DPF3: variants seen among roughly 807,000 people sequenced by gnomAD.
The protein encoded by DPF3 is zinc finger protein DPF3.
Under a neutral mutation model 56.8 loss-of-function variants are expected in DPF3, and 18 were observed. The observed-to-expected ratio is 0.32, with a 90% CI of 0.22 to 0.47. The LOEUF (loss-of-function observed/expected upper bound fraction) is 0.47, where lower values mean the gene tolerates loss of function less well. Ranked by LOEUF, DPF3 falls within the 20% of genes least tolerant of loss-of-function variation. The pLI, the probability that DPF3 is intolerant of heterozygous loss-of-function variation, is 1.00. For missense variants in DPF3, 403 were observed against 488.8 expected (o/e 0.82, Z 1.65); for synonymous variants, 188 against 180.2 (o/e 1.04, Z -0.35).
At chr14:72,885,993 G>C (rs1342873701) in intron 1 of DPF3, among the ~76,000 whole-genome samples, 6 of 152,182 alleles carry the variant, frequency 3.9e-5, no homozygotes, top group African/African-American at 1.4e-4. Context: ...TAAGAATGCA[G>C]AATGGTGGTT....
At chr14:72,827,514 T>A (rs934578838) in intron 1 of DPF3, among the ~76,000 whole-genome samples, 9 of 135,784 alleles carry the variant, frequency 6.6e-5, no homozygotes, top group Non-Finnish European at 1.3e-4. Flanking sequence ...TTTTTTTTTT[T>A]TTGAGACAGA....
chr14:72,893,017 A>AGGCAGGC lies in DPF3; in HGVS notation c.32+1039_32+1040insGCCTGCC, dbSNP rs1567273867. Among the ~76,000 whole-genome samples the AGGCAGGC allele has an allele frequency of 5.4e-3, 708 of 130,732 alleles. 33 individuals are homozygous for AGGCAGGC. Among genetic ancestry groups the AGGCAGGC allele is most frequent in the Middle Eastern group, 0.02 (5 of 250 alleles). 85.8% of individuals were successfully genotyped at this position (130,732 alleles called of 152,430 possible). A position where few individuals can be genotyped will look rare whatever the true frequency, so the allele number is the denominator to read the frequency against. ...GAAGGAAGGAAGGAAGGAAGGAAGGAAGGAAGGATGAAAAGGAGGAGGAAG... is the reference window on the plus strand; with the variant it reads ...GAAGGAAGGAAGGAAGGAAGGAAGGAGGCAGGCAGGAAGGATGAAAAGGAGGAGGAAG... On this transcript the variant is annotated intron_variant, in intron 1 of 10. Coordinates refer to ENST00000556509, the MANE Select transcript of DPF3 (RefSeq NM_001280542.3).
intron 1 of DPF3, among the ~76,000 whole-genome samples, chr14:72,828,870 A>C (rs1883932296): frequency 6.6e-6 from 1 of 152,208 alleles, no homozygotes; most frequent in African/African-American, 2.4e-5. Flanking sequence ...AAAGCACTGG[A>C]CTGGGAAGAG....
chr14:72,730,381 G>A (rs1889590912), intron 4 of DPF3, among the ~76,000 whole-genome samples: 1 of 152,186 alleles, frequency 6.6e-6, no homozygotes, highest in African/African-American at 2.4e-5. Flanking sequence ...GAAAAGAGAG[G>A]AGGGAACAAA....
At chr14:72,679,463 C>T (rs1887061823) in intron 7 of DPF3, among the ~76,000 whole-genome samples, 1 of 152,250 alleles carries the variant, frequency 6.6e-6, no homozygotes, top group South Asian at 2.1e-4. Context: ...AGCCCCAGCC[C>T]CAGCCCCAGC....
intron 8 of DPF3, among the ~76,000 whole-genome samples, chr14:72,637,921 C>A (rs1885432221): frequency 6.6e-6 from 1 of 152,106 alleles, no homozygotes; most frequent in Non-Finnish European, 1.5e-5. Flanking sequence ...CAAAAGATGG[C>A]CAAGACAGAA....
intron 2 of DPF3, among the ~76,000 whole-genome samples, chr14:72,760,260 CG>C (rs1337222916): frequency 6.6e-6 from 1 of 152,134 alleles, no homozygotes; most frequent in African/African-American, 2.4e-5. Flanking sequence ...CACCTGAGGT[CG>C]GGAGTTCGAG....
chr14:72,833,484 G>A (rs796164654), intron 1 of DPF3, among the ~76,000 whole-genome samples: 6 of 152,286 alleles, frequency 3.9e-5, no homozygotes, highest in African/African-American at 1.4e-4. Flanking sequence ...TTAATGTACG[G>A]GGATGGATGC....
chr14:72,745,428 C>T (rs1890286105), intron 3 of DPF3, among the ~76,000 whole-genome samples: 1 of 142,746 alleles, frequency 7.0e-6, no homozygotes, highest in African/African-American at 2.5e-5. Flanking sequence ...TGGAAGTTTC[C>T]ATTCTTTGTT....
At chr14:72,771,984 G>A (rs916237306) in intron 1 of DPF3, 91 bp from the exon 2 acceptor site, 2 of 1,322,706 alleles carry the variant, frequency 1.5e-6, no homozygotes, top group African/African-American at 1.5e-5. Context: ...CACCTCCCTG[G>A]AAAGACTGAA....
intron 1 of DPF3, among the ~76,000 whole-genome samples, chr14:72,837,455 T>C (rs1168606705): frequency 6.6e-6 from 1 of 151,902 alleles, no homozygotes; most frequent in Non-Finnish European, 1.5e-5. Context: ...AATAGGATCA[T>C]GGCCAGGCGT....
rs1486296127 is a variant in DPF3, at chr14:72,609,793, G to T, written c.*9504C>A. On this transcript the variant is annotated 3_prime_UTR_variant, in exon 11 of 11. Coordinates refer to ENST00000556509, the MANE Select transcript of DPF3 (RefSeq NM_001280542.3). ...CCAGGGTGGGCCAAATGGAGATATT[G>T]TCTCAAGACCATTACACACAGCTTC... 6.6e-6 allele frequency among the ~76,000 whole-genome samples: 1 copy of T among 151,858 alleles called. No individual in the cohort carries two copies. Among genetic ancestry groups the T allele is most frequent in the Non-Finnish European group, 1.5e-5 (1 of 67,974 alleles).
intron 1 of DPF3, among the ~76,000 whole-genome samples, chr14:72,889,656 C>G (rs1164426938): frequency 6.6e-6 from 1 of 152,180 alleles, no homozygotes; most frequent in African/African-American, 2.4e-5. Context: ...TGGCTTCTAA[C>G]TTTCACATGC....
chr14:72,620,210 G>A (rs1884343419), intron 9 of DPF3, among the ~76,000 whole-genome samples: 1 of 151,994 alleles, frequency 6.6e-6, no homozygotes, highest in African/African-American at 2.4e-5. Context: ...CCCATTTTAG[G>A]GTTCTGCTCA....
intron 1 of DPF3, among the ~76,000 whole-genome samples, chr14:72,786,200 T>C (rs1599440099): frequency 6.6e-6 from 1 of 151,434 alleles, no homozygotes. Context: ...GAAGCGGAGG[T>C]TGCAGTGAGC....
At chr14:72,720,579 G>T (rs1269068952) in intron 5 of DPF3, among the ~76,000 whole-genome samples, 1 of 152,208 alleles carries the variant, frequency 6.6e-6, no homozygotes, top group Non-Finnish European at 1.5e-5. Flanking sequence ...GTGTTCAGGT[G>T]TCTCTCATCT....
chr14:72,670,368 G>A lies in DPF3; in HGVS notation c.871+3872C>T, dbSNP rs1007913509. ...AAACAGCAGCTCTACTGACGGAGGA[G>A]GAGGAGCCCAGGAGGCGGCTGGTCA... is the stretch of plus-strand genomic sequence containing the variant. On this transcript the variant is annotated intron_variant, in intron 8 of 10. Coordinates refer to ENST00000556509, the MANE Select transcript of DPF3 (RefSeq NM_001280542.3). The A allele has an allele frequency of 3.0e-6, 3 of 986,206 alleles. No homozygotes were observed. In the South Asian group the frequency reaches 1.4e-4, roughly 46 times the overall value. 61.1% of individuals were successfully genotyped at this position (986,206 alleles called of 1,614,324 possible).
intron 9 of DPF3, among the ~76,000 whole-genome samples, chr14:72,628,882 A>T (rs189529902): frequency 1.7e-4 from 26 of 152,362 alleles, no homozygotes; most frequent in Non-Finnish European, 2.6e-4. Flanking sequence ...GAAAGAGAAT[A>T]AGATGGAGGG....
At chr14:72,743,789 T>C (rs1183647737) in intron 3 of DPF3, among the ~76,000 whole-genome samples, 1 of 152,202 alleles carries the variant, frequency 6.6e-6, no homozygotes, top group Non-Finnish European at 1.5e-5. Flanking sequence ...GGGGAGATGG[T>C]CCGGGGGAGG....
Sources: gnomAD v4.1 joint callset for allele counts (sites outside exome capture counted in the v4.1 genomes callset) on GRCh38, gnomAD v4.1.1 for gene constraint, MANE v1.5 for transcripts, NCBI Gene and HGNC (gene_info 2026-07-23, HGNC 2026-07-21) for gene names.